BNIP3: variants seen among roughly 807,000 people sequenced by gnomAD.
BNIP3 encodes BCL2 interacting protein 3.
In BNIP3, 16 loss-of-function variants were observed where a neutral mutation model predicts 23.9. The ratio of observed to expected loss-of-function variants is 0.67; its 90% CI spans 0.45 to 1.01. The LOEUF is 1.01. Among genes scored for constraint, BNIP3 ranks in the 50% least tolerant of loss-of-function variants. The pLI is 0.00. For missense variants in BNIP3, 198 were observed against 248.7 expected (o/e 0.80, Z 1.37); for synonymous variants, 81 against 89.3 (o/e 0.91, Z 0.53).
chr10:131,975,852 A>G (rs569568799), intron 1 of BNIP3, among the ~76,000 whole-genome samples: 1 of 152,360 alleles, frequency 6.6e-6, no homozygotes, highest in South Asian at 2.1e-4. Flanking sequence ...CCTGGCCTAC[A>G]CGAAGCACAT....
In BNIP3 at chr10:131,970,498, G is replaced by T; in HGVS notation, c.539+140C>A. ...CTGGTGGTTTCTGGACCTGAACAGT[G>T]ACTACGTGGGTGTTTGTGAAAATGC... On this transcript the variant is annotated intron_variant, in intron 5 of 5. Transcript: ENST00000368636. The surrounding 1 kb of genome is among the most constrained non-coding windows in gnomAD (Gnocchi z 4.1). 1 of 1,246,216 alleles carries T rather than the reference G, an allele frequency of 8.0e-7. No homozygotes were observed. The highest frequency in any genetic ancestry group is 1.1e-6 in the Non-Finnish European group (1 of 917,460). The allele number at this position is 1,246,216 out of a possible 1,614,324, so 77.2% of individuals were successfully genotyped here.
At position 131,973,680 on chromosome 10, in the gene BNIP3, C is replaced by G. The variant is rs2037058978; in HGVS notation, c.197+113G>C. The G allele has an allele frequency of 1.4e-6, 2 of 1,472,370 alleles. 1 individual carries two copies. Among genetic ancestry groups the G allele is most frequent in the South Asian group, 2.6e-5 (2 of 77,758 alleles). 91.2% of individuals were successfully genotyped at this position (1,472,370 alleles called of 1,614,324 possible). Reference sequence around the variant, plus strand: ...GCAGGAGCCAGTCCAGAACGCGGCCCGAGGCGAACAGCAGCCCACTGTCCT... The same window carrying G: ...GCAGGAGCCAGTCCAGAACGCGGCCGGAGGCGAACAGCAGCCCACTGTCCT... On this transcript the variant is annotated intron_variant, in intron 2 of 5. Coordinates refer to ENST00000368636, the MANE Select transcript of BNIP3 (RefSeq NM_004052.4).
chr10:131,969,542 G>C (rs554841322), intron 5 of BNIP3: 1 of 152,256 alleles, frequency 6.6e-6, no homozygotes, highest in Non-Finnish European at 1.5e-5. Context: ...CCACGCACAC[G>C]GGAGGGCGAG....
chr10:131,974,817 ATCTG>A (rs1297393616), intron 1 of BNIP3, among the ~76,000 whole-genome samples: 1 of 152,108 alleles, frequency 6.6e-6, no homozygotes, highest in Non-Finnish European at 1.5e-5. Context: ...CTTTTCTATT[ATCTG>A]TCTTTCTCTT....
chr10:131,971,474 G>C (rs2037032914), intron 3 of BNIP3: 1 of 158,056 alleles, frequency 6.3e-6, no homozygotes, highest in African/African-American at 2.4e-5. Context: ...AACCACAGCT[G>C]CGGCCAAATC....
chr10:131,973,684 G>A, intron 2 of BNIP3, 109 bp downstream of exon 2: 2 of 1,488,800 alleles, frequency 1.3e-6, no homozygotes, highest in Non-Finnish European at 1.8e-6. Flanking sequence ...GCGGCCCGAG[G>A]CGAACAGCAG....
intron 5 of BNIP3, chr10:131,968,787 G>A (rs2036994102): frequency 9.1e-6 from 4 of 438,368 alleles, no homozygotes; most frequent in East Asian, 7.7e-5. Flanking sequence ...ACATCAGATC[G>A]TATTCTTACA....
intron 1 of BNIP3, 121 bp from the exon 2 acceptor site, chr10:131,974,064 C>T: frequency 7.6e-7 from 1 of 1,317,918 alleles, no homozygotes; most frequent in Non-Finnish European, 1.0e-6. Flanking sequence ...ACACCAGGAA[C>T]CATCCCTCAA....
intron 1 of BNIP3, among the ~76,000 whole-genome samples, chr10:131,978,874 G>A (rs2037098260): frequency 6.6e-6 from 1 of 151,636 alleles, no homozygotes; most frequent in Admixed American, 6.6e-5. Context: ...CTTCCCCAGG[G>A]GAGGTGGGCT....
rs372906068 is a variant in BNIP3 at position 131,973,103 on chromosome 10, C to A, written c.213G>T (p.Gln71His). ...SSHCDSPPRS[Q>H]TPQDTNRASE... is the part of the protein sequence containing the mutation. Reference sequence around the variant, plus strand: ...AAGCTCTGTTGGTATCTTGTGGTGTCTGCGAGCGAGGTGGGCTTGGCGATG... The same window carrying A: ...AAGCTCTGTTGGTATCTTGTGGTGTATGCGAGCGAGGTGGGCTTGGCGATG... Residue 71 changes from glutamine (Q) to histidine (H), a missense_variant, in exon 3 of 6, where the codon CAG becomes CAT. Transcript: ENST00000368636. The A allele has an allele frequency of 1.1e-5, 17 of 1,613,564 alleles. No homozygotes were observed. The highest frequency in any genetic ancestry group is 1.3e-5 in the Non-Finnish European group (15 of 1,179,634).
At chr10:131,971,753 G>A (rs2037035598) in intron 3 of BNIP3, among the ~76,000 whole-genome samples, 1 of 152,240 alleles carries the variant, frequency 6.6e-6, no homozygotes, top group African/African-American at 2.4e-5. Flanking sequence ...CAAGTGCCCA[G>A]GAGCAGGCCG....
chr10:131,970,414 C>T lies in BNIP3; in HGVS notation c.539+224G>A, dbSNP rs1423239489. Reference sequence around the variant, plus strand: ...ATATTCAGTGAGCAACAGGCAGACTCGTCAGGCCAGACAGCAGCACCACAG... The same window carrying T: ...ATATTCAGTGAGCAACAGGCAGACTTGTCAGGCCAGACAGCAGCACCACAG... On this transcript the variant is annotated intron_variant, in intron 5 of 5. Coordinates refer to ENST00000368636, the MANE Select transcript of BNIP3 (RefSeq NM_004052.4). This position sits in a 1 kb window ranked among gnomAD's most constrained non-coding sequence, Gnocchi z 4.1. 5 of 615,288 alleles carry T rather than the reference C, an allele frequency of 8.1e-6. No individual in the cohort carries two copies. The Admixed American group carries it at 1.2e-4, about 15-fold the overall frequency. The allele number at this position is 615,288 out of a possible 1,614,324, so 38.1% of individuals were successfully genotyped here. A position where few individuals can be genotyped will look rare whatever the true frequency, so the allele number is the denominator to read the frequency against.
intron 1 of BNIP3, among the ~76,000 whole-genome samples, chr10:131,979,696 C>T (rs3793741): frequency 0.16 from 23,673 of 152,126 alleles, 1,891 homozygotes; most frequent in Middle Eastern, 0.19. Context: ...AGGACAAATA[C>T]GAGCATCCTG....
rs1471219928 is a variant in BNIP3 at position 131,970,669 on chromosome 10, G to A, written c.508C>T (p.Leu170=). Residue 170 remains leucine, a synonymous_variant, in exon 5 of 6, where the codon CTG becomes TTG. Coordinates refer to ENST00000368636, the MANE Select transcript of BNIP3 (RefSeq NM_004052.4). The surrounding 1 kb of genome is among the most constrained non-coding windows in gnomAD (Gnocchi z 4.1). The part of the protein sequence containing the change: ...EFLKVFLPSL[L]LSHLLAIGLG... ...CCGATGGCCAGCAAATGAGAGAGCA[G>A]CAGAGATGGAAGGAAAACTTTCAGA... 6.2e-7 allele frequency: 1 copy of A among 1,614,152 alleles called. No individual in the cohort carries two copies. Among genetic ancestry groups the A allele is most frequent in the Non-Finnish European group, 8.5e-7 (1 of 1,180,028 alleles).
intron 1 of BNIP3, among the ~76,000 whole-genome samples, chr10:131,978,152 C>T (rs140976432): frequency 2.6e-5 from 4 of 152,200 alleles, no homozygotes; most frequent in African/African-American, 7.2e-5. Flanking sequence ...TCTCATTTCG[C>T]GTCCCTCTCA....
chr10:131,973,198 T>C lies in BNIP3; in HGVS notation c.198-80A>G, dbSNP rs2037053778. The C allele has an allele frequency of 2.8e-6, 4 of 1,441,526 alleles. No individual in the cohort carries two copies. The Admixed American group carries it at 6.7e-5, about 24-fold the overall frequency. 89.3% of individuals were successfully genotyped at this position (1,441,526 alleles called of 1,614,324 possible). On this transcript the variant is annotated intron_variant, in intron 2 of 5. Transcript: ENST00000368636. The stretch of plus-strand genomic sequence containing the variant: ...TTAGAAGCTCAAACCCCAAAGGCAG[T>C]GAACCGCCTCCGTGATGAGGGGCTC...
chr10:131,981,754 G>T lies in BNIP3; in HGVS notation c.46+7C>A. 1 of 1,467,888 alleles carries T rather than the reference G, an allele frequency of 6.8e-7. No homozygotes were observed. Among genetic ancestry groups the T allele is most frequent in the Non-Finnish European group, 9.0e-7 (1 of 1,113,828 alleles). The allele number at this position is 1,467,888 out of a possible 1,614,324, so 90.9% of individuals were successfully genotyped here. A position where few individuals can be genotyped will look rare whatever the true frequency, so the allele number is the denominator to read the frequency against. On this transcript the variant is annotated splice_region_variant and intron_variant, in intron 1 of 5. Transcript: ENST00000368636. ...CCTCGGCTCCCGCGCCGCCTCCTCC[G>T]CCTCACCCTGCAGGCTCTCCTCCTG...
intron 1 of BNIP3, among the ~76,000 whole-genome samples, chr10:131,979,760 C>G (rs894985633): frequency 6.6e-6 from 1 of 152,234 alleles, no homozygotes; most frequent in African/African-American, 2.4e-5. Context: ...ACAGAATCAG[C>G]CCATTTTGCC....
chr10:131,981,910 T>A lies in BNIP3; in HGVS notation c.-104A>T. On this transcript the variant is annotated 5_prime_UTR_variant, in exon 1 of 6. Transcript: ENST00000368636. ...GGAGGTCGGAGCGCCGCGGCCCAGC[T>A]GCGCTCCCGGACTGAGCGGAGCCCC... The A allele has an allele frequency of 7.7e-7, 1 of 1,303,766 alleles. No homozygotes were observed. Among genetic ancestry groups the A allele is most frequent in the African/African-American group, 1.6e-5 (1 of 64,162 alleles). The allele number at this position is 1,303,766 out of a possible 1,614,324, so 80.8% of individuals were successfully genotyped here.
Sources: allele counts gnomAD v4.1 joint callset (sites outside exome capture counted in the v4.1 genomes callset), GRCh38; gene constraint gnomAD v4.1.1; non-coding constraint Gnocchi (gnomAD v3.1); transcripts MANE v1.5; gene names NCBI Gene and HGNC (gene_info 2026-07-23, HGNC 2026-07-21).